Variants in FGF12 observed in about 807,000 individuals in gnomAD.
The protein encoded by FGF12 is fibroblast growth factor 12.
A neutral mutation model predicts 23.6 loss-of-function variants in FGF12; 14 were observed. That is an observed-to-expected ratio of 0.59 (90% CI 0.39 to 0.93). FGF12 has a LOEUF of 0.93. Among genes scored for constraint, FGF12 ranks in the 40% least tolerant of loss-of-function variants. The pLI is 0.00. For missense variants in FGF12, 175 were observed against 217.8 expected (o/e 0.80, Z 1.24); for synonymous variants, 62 against 77.3 (o/e 0.80, Z 1.04).
rs145022906 is a variant in FGF12, at chr3:192,615,784, G to T, written c.13+111397C>A. The stretch of plus-strand genomic sequence containing the variant: ...ATTCTTGTGCTGCTTTGTTATGCAA[G>T]AATTAAAGACAAAGAATATTTAACA... On this transcript the variant is annotated intron_variant, in intron 2 of 5. Coordinates refer to ENST00000445105, the MANE Select transcript of FGF12 (RefSeq NM_004113.6). Among the ~76,000 whole-genome samples, 614 of 152,004 alleles carry T rather than the reference G, an allele frequency of 4.0e-3. 5 individuals carry two copies. The highest frequency in any genetic ancestry group is 0.013 in the African/African-American group (536 of 41,520).
At chr3:192,711,295 GC>G in intron 2 of FGF12, among the ~76,000 whole-genome samples, 1 of 124,648 alleles carries the variant, frequency 8.0e-6, no homozygotes, top group East Asian at 3.0e-4. Context: ...GTGGGGGGCA[GC>G]CCCCACCCAG....
rs564261600 is a variant in FGF12 at position 192,371,032 on chromosome 3, G to C, written c.14-10494C>G. 2.0e-5 allele frequency among the ~76,000 whole-genome samples: 3 copies of C among 152,238 alleles called. 1 individual carries two copies. The highest frequency in any genetic ancestry group is 7.2e-5 in the African/African-American group (3 of 41,556). ...GTTCATGGAGGGGAGTTTGACACTG[G>C]TCAACCTCACTGGGTTACAACTCCC... On this transcript the variant is annotated intron_variant, in intron 2 of 5. Coordinates refer to ENST00000445105, the MANE Select transcript of FGF12 (RefSeq NM_004113.6).
intron 4 of FGF12, among the ~76,000 whole-genome samples, chr3:192,206,688 C>T (rs959782501): frequency 2.0e-5 from 3 of 152,116 alleles, no homozygotes; most frequent in Admixed American, 6.5e-5. Flanking sequence ...AATATATTTT[C>T]GACAAGATAG....
chr3:192,581,356 A>T (rs1713129618), intron 2 of FGF12, among the ~76,000 whole-genome samples: 1 of 151,646 alleles, frequency 6.6e-6, no homozygotes, highest in South Asian at 2.1e-4. Context: ...TCTTGAGCCC[A>T]GGAGTTTGAG....
At chr3:192,309,380 CA>C (rs1259128791) in intron 4 of FGF12, among the ~76,000 whole-genome samples, 3 of 152,126 alleles carry the variant, frequency 2.0e-5, no homozygotes, top group Non-Finnish European at 2.9e-5. Flanking sequence ...ACTGTGGCAA[CA>C]AAAAACTCCA....
intron 2 of FGF12, among the ~76,000 whole-genome samples, chr3:192,436,055 T>C (rs567989297): frequency 1.3e-5 from 2 of 152,330 alleles, no homozygotes; most frequent in East Asian, 1.9e-4. Context: ...CTCGTCTTTA[T>C]TGAACACTCA....
chr3:192,439,233 T>TA (rs1227385903), intron 2 of FGF12, among the ~76,000 whole-genome samples: 1 of 152,236 alleles, frequency 6.6e-6, no homozygotes, highest in Non-Finnish European at 1.5e-5. Flanking sequence ...ACCTAGCCTT[T>TA]ATTCTCTCCT....
intron 4 of FGF12, among the ~76,000 whole-genome samples, chr3:192,262,785 A>AT (rs550693874): frequency 7.3e-5 from 11 of 149,948 alleles, no homozygotes; most frequent in Non-Finnish European, 1.0e-4. Context: ...CGTGACTGTA[A>AT]TTTTTTTTTT....
chr3:192,255,774 A>G (rs905594865), intron 4 of FGF12, among the ~76,000 whole-genome samples: 2 of 152,092 alleles, frequency 1.3e-5, no homozygotes, highest in African/African-American at 4.8e-5. Context: ...TGTTACATTT[A>G]CTAAACGTAG....
At chr3:192,178,349 A>C (rs75015556) in intron 4 of FGF12, among the ~76,000 whole-genome samples, 11,631 of 152,272 alleles carry the variant, frequency 0.076, 596 homozygotes, top group South Asian at 0.25. Flanking sequence ...AAGAAAAATT[A>C]ATCAGAGAAA....
chr3:192,234,062 A>G (rs1278465756), intron 4 of FGF12, among the ~76,000 whole-genome samples: 1 of 152,096 alleles, frequency 6.6e-6, no homozygotes, highest in East Asian at 1.9e-4. Context: ...TTAGGTTCAT[A>G]TGAATTTTAG....
At chr3:192,437,729 AAC>A (rs1491022367) in intron 2 of FGF12, among the ~76,000 whole-genome samples, 2 of 151,930 alleles carry the variant, frequency 1.3e-5, no homozygotes, top group African/African-American at 4.8e-5. Context: ...CAAAAAAAAA[AAC>A]AGTGAGCAAA....
intron 2 of FGF12, among the ~76,000 whole-genome samples, chr3:192,434,889 C>A (rs553769573): frequency 1.3e-5 from 2 of 151,628 alleles, no homozygotes; most frequent in Admixed American, 6.6e-5. Flanking sequence ...CATTTAATTG[C>A]GGTTAGCAGT....
At chr3:192,144,242 A>G (rs1713568021) in intron 5 of FGF12, 115 bp from the exon 6 acceptor site, 1 of 624,216 alleles carries the variant, frequency 1.6e-6, no homozygotes, top group African/African-American at 1.9e-5. Flanking sequence ...TCTTCTTCTC[A>G]TTATAAAAAA....
At chr3:192,315,131 G>A (rs1442298878) in intron 4 of FGF12, among the ~76,000 whole-genome samples, 1 of 152,136 alleles carries the variant, frequency 6.6e-6, no homozygotes, top group Non-Finnish European at 1.5e-5. Flanking sequence ...GTTTGGTGCA[G>A]AAATAACCAG....
chr3:192,562,743 T>G (rs976652286), intron 2 of FGF12, among the ~76,000 whole-genome samples: 1 of 152,116 alleles, frequency 6.6e-6, no homozygotes, highest in African/African-American at 2.4e-5. Context: ...GAGACTTTTT[T>G]TTTTTTTTTG....
chr3:192,204,845 CAA>C (rs1174535708), intron 4 of FGF12, among the ~76,000 whole-genome samples: 2 of 151,664 alleles, frequency 1.3e-5, no homozygotes, highest in African/African-American at 4.9e-5. Flanking sequence ...AAGATCGCAC[CAA>C]GACTGTACTC....
intron 4 of FGF12, among the ~76,000 whole-genome samples, chr3:192,170,915 G>A (rs184650239): frequency 6.6e-6 from 1 of 152,316 alleles, no homozygotes; most frequent in Admixed American, 6.5e-5. Context: ...ATTCAGGACT[G>A]TGGCCAAGTC....
chr3:192,467,122 C>T (rs1343171211), intron 2 of FGF12, among the ~76,000 whole-genome samples: 3 of 152,112 alleles, frequency 2.0e-5, no homozygotes, highest in African/African-American at 7.2e-5. Flanking sequence ...TAGAGAGGCC[C>T]TGTGCAAAAG....
Sources: allele counts gnomAD v4.1 joint callset (sites outside exome capture counted in the v4.1 genomes callset), GRCh38; gene constraint gnomAD v4.1.1; transcripts MANE v1.5; gene names NCBI Gene and HGNC (gene_info 2026-07-23, HGNC 2026-07-21).